The following NRG3 variants were observed in gnomAD, a reference collection of about 807,000 sequenced individuals.
NRG3 encodes pro-neuregulin-3, membrane-bound isoform.
In NRG3, 31 loss-of-function variants were observed where a neutral mutation model predicts 66.9. The observed-to-expected ratio is 0.46, with a 90% CI of 0.35 to 0.63. NRG3 has a LOEUF of 0.63. Ranked by LOEUF, NRG3 falls within the 20% of genes least tolerant of loss-of-function variation. The pLI is 0.00. For missense variants in NRG3, 910 were observed against 878.9 expected (o/e 1.04, Z -0.45); for synonymous variants, 393 against 359.4 (o/e 1.09, Z -1.06).
At chr10:82,856,493 C>T (rs1045220278) in intron 3 of NRG3, among the ~76,000 whole-genome samples, 2 of 151,768 alleles carry the variant, frequency 1.3e-5, no homozygotes, top group Admixed American at 1.3e-4. Flanking sequence ...GCCTGTAATC[C>T]CAGCACTTTG....
At chr10:82,251,802 A>G (rs559541360) in intron 1 of NRG3, among the ~76,000 whole-genome samples, 3 of 152,292 alleles carry the variant, frequency 2.0e-5, no homozygotes, top group African/African-American at 7.2e-5. Context: ...ATAAAGGCCA[A>G]TTAACTCCAA....
chr10:82,238,819 C>T (rs2076869721), intron 1 of NRG3, among the ~76,000 whole-genome samples: 3 of 145,092 alleles, frequency 2.1e-5, no homozygotes, highest in African/African-American at 2.5e-5. Context: ...TAATGGAAAA[C>T]CTGTTTTCTT....
chr10:82,913,186 C>T (rs1845499416), intron 4 of NRG3, among the ~76,000 whole-genome samples: 1 of 152,076 alleles, frequency 6.6e-6, no homozygotes. Context: ...GATCATGCCA[C>T]TGCACTCCAG....
chr10:82,883,267 A>T (rs1416796969), intron 4 of NRG3, among the ~76,000 whole-genome samples: 1 of 150,778 alleles, frequency 6.6e-6, no homozygotes, highest in Non-Finnish European at 1.5e-5. Context: ...GCCCAATCAA[A>T]TTCTTATTTC....
At chr10:82,738,500 A>G in intron 2 of NRG3, 77 bp from the exon 3 acceptor site, 1 of 1,107,972 alleles carries the variant, frequency 9.0e-7, no homozygotes, top group Non-Finnish European at 1.4e-6. Context: ...TATGTAATTG[A>G]TGGCTATTTT....
intron 1 of NRG3, among the ~76,000 whole-genome samples, chr10:82,355,349 T>G (rs1021980874): frequency 1.3e-5 from 2 of 152,174 alleles, no homozygotes; most frequent in African/African-American, 4.8e-5. Context: ...AGAAAGAAAA[T>G]AAAGAATTGC....
intron 2 of NRG3, among the ~76,000 whole-genome samples, chr10:82,454,158 A>C (rs1165729078): frequency 6.6e-6 from 1 of 152,172 alleles, no homozygotes; most frequent in Non-Finnish European, 1.5e-5. Context: ...TTAGTCATCT[A>C]TATATTAGAC....
intron 1 of NRG3, among the ~76,000 whole-genome samples, chr10:81,977,891 T>C (rs570832125): frequency 6.6e-6 from 1 of 152,314 alleles, no homozygotes; most frequent in African/African-American, 2.4e-5. Context: ...TCTTTTACTT[T>C]TTATTTTTTA....
intron 3 of NRG3, among the ~76,000 whole-genome samples, chr10:82,853,860 A>C (rs2063681970): frequency 6.6e-6 from 1 of 152,174 alleles, no homozygotes; most frequent in African/African-American, 2.4e-5. Context: ...GAGAGTGGGC[A>C]TCCTTGTCTT....
chr10:82,833,662 A>G (rs2062638959), intron 3 of NRG3, among the ~76,000 whole-genome samples: 1 of 152,172 alleles, frequency 6.6e-6, no homozygotes, highest in South Asian at 2.1e-4. Flanking sequence ...CTCCTAGCCT[A>G]AGGATTTACC....
At chr10:82,075,758 A>C (rs2065055958) in intron 1 of NRG3, among the ~76,000 whole-genome samples, 4 of 152,138 alleles carry the variant, frequency 2.6e-5, no homozygotes, top group African/African-American at 9.6e-5. Context: ...TGAGACATTA[A>C]AGTGGCCCTA....
intron 1 of NRG3, among the ~76,000 whole-genome samples, chr10:82,279,470 A>G (rs888332272): frequency 6.6e-6 from 1 of 152,218 alleles, no homozygotes; most frequent in Non-Finnish European, 1.5e-5. Context: ...TTTTGGCTTC[A>G]CATAACATCA....
intron 3 of NRG3, among the ~76,000 whole-genome samples, chr10:82,836,238 A>G (rs1419292171): frequency 1.3e-5 from 2 of 152,142 alleles, no homozygotes; most frequent in Non-Finnish European, 2.9e-5. Context: ...ATAGCCTAAA[A>G]TATTTACTAT....
At chr10:82,655,142 T>C (rs2051736659) in intron 2 of NRG3, among the ~76,000 whole-genome samples, 1 of 151,980 alleles carries the variant, frequency 6.6e-6, no homozygotes, top group South Asian at 2.1e-4. Flanking sequence ...TCAAGGATTT[T>C]CGTGTTAGAA....
chr10:82,612,938 C>A (rs1019281819), intron 2 of NRG3, among the ~76,000 whole-genome samples: 6 of 152,134 alleles, frequency 3.9e-5, no homozygotes, highest in East Asian at 1.9e-4. Flanking sequence ...TTACTAATAT[C>A]TCTTAGAATA....
intron 1 of NRG3, among the ~76,000 whole-genome samples, chr10:81,939,886 T>A (rs1365682932): frequency 1.3e-5 from 2 of 151,994 alleles, no homozygotes; most frequent in Non-Finnish European, 1.5e-5. Context: ...TGATTTTTTT[T>A]ATAGAAATAT....
intron 1 of NRG3, among the ~76,000 whole-genome samples, chr10:82,314,908 T>C: frequency 6.6e-6 from 1 of 152,166 alleles, no homozygotes; most frequent in Admixed American, 6.5e-5. Context: ...CTGTCCAAAA[T>C]TTATGCCATT....
At chr10:82,711,179 A>G (rs2134394856) in intron 2 of NRG3, among the ~76,000 whole-genome samples, 1 of 152,312 alleles carries the variant, frequency 6.6e-6, no homozygotes, top group East Asian at 1.9e-4. Flanking sequence ...TCTGGGCTCA[A>G]GTGATCTTCC....
intron 1 of NRG3, among the ~76,000 whole-genome samples, chr10:82,349,540 G>A (rs1335409144): frequency 2.0e-5 from 3 of 152,008 alleles, no homozygotes; most frequent in Admixed American, 1.3e-4. Context: ...CCTGCCCTCA[G>A]AGGTGGAGCC....
Sources: gnomAD v4.1 joint callset for allele counts (sites outside exome capture counted in the v4.1 genomes callset) on GRCh38, gnomAD v4.1.1 for gene constraint, MANE v1.5 for transcripts, NCBI Gene and HGNC (gene_info 2026-07-23, HGNC 2026-07-21) for gene names.